The following C8orf34 variants were observed in gnomAD, a reference collection of about 807,000 sequenced individuals.
C8orf34 encodes the protein uncharacterized protein C8orf34.
In C8orf34, 65 loss-of-function variants were observed where a neutral mutation model predicts 68.3. That is an observed-to-expected ratio of 0.95 (90% CI 0.78 to 1.17). The LOEUF (loss-of-function observed/expected upper bound fraction) is 1.17. Ranked by LOEUF, C8orf34 falls within the 50% of genes most tolerant of loss-of-function variation. C8orf34 has a pLI of 0.00. For missense variants in C8orf34, 664 were observed against 655.4 expected (o/e 1.01, Z -0.14); for synonymous variants, 244 against 241.2 (o/e 1.01, Z -0.11).
At chr8:68,773,666 G>A (rs1823417638) in intron 10 of C8orf34, among the ~76,000 whole-genome samples, 1 of 152,110 alleles carries the variant, frequency 6.6e-6, no homozygotes, top group African/African-American at 2.4e-5. Flanking sequence ...GATTACAGGT[G>A]TGAGCCGCCA....
intron 7 of C8orf34, among the ~76,000 whole-genome samples, chr8:68,545,755 T>C (rs1354324738): frequency 1.3e-5 from 2 of 152,146 alleles, no homozygotes; most frequent in Non-Finnish European, 2.9e-5. Flanking sequence ...AAGGAAATGA[T>C]ACCAGAGGGA....
intron 11 of C8orf34, among the ~76,000 whole-genome samples, chr8:68,780,191 C>T (rs1035794523): frequency 1.1e-4 from 17 of 152,194 alleles, no homozygotes; most frequent in Admixed American, 5.9e-4. Flanking sequence ...TGCACTGCTA[C>T]CACTTTCTAC....
chr8:68,551,992 T>C (rs985270526), intron 7 of C8orf34, among the ~76,000 whole-genome samples: 2 of 152,170 alleles, frequency 1.3e-5, no homozygotes, highest in Admixed American at 6.5e-5. Context: ...AGATGAATTT[T>C]TTCCATTGAA....
chr8:68,601,262 C>T (rs1271636977), intron 7 of C8orf34, among the ~76,000 whole-genome samples: 1 of 152,064 alleles, frequency 6.6e-6, no homozygotes, highest in Non-Finnish European at 1.5e-5. Context: ...TGGGATTGCT[C>T]ATATTCTTGA....
At chr8:68,703,701 C>T (rs1431571652) in intron 8 of C8orf34, among the ~76,000 whole-genome samples, 12 of 152,078 alleles carry the variant, frequency 7.9e-5, no homozygotes. Context: ...CCTCATTAGG[C>T]TCCTCAAAAA....
At chr8:68,453,359 A>G (rs545232367) in intron 3 of C8orf34, among the ~76,000 whole-genome samples, 1 of 152,152 alleles carries the variant, frequency 6.6e-6, no homozygotes, top group East Asian at 1.9e-4. Context: ...GAATCTGTGG[A>G]TCACTTTGGA....
At chr8:68,474,725 C>T (rs16934643) in intron 4 of C8orf34, among the ~76,000 whole-genome samples, 91,058 of 152,044 alleles carry the variant, frequency 0.6, 27,973 homozygotes, top group East Asian at 0.88. Context: ...ATCTTCAACA[C>T]TGACTTTTAA....
intron 1 of C8orf34, among the ~76,000 whole-genome samples, chr8:68,389,219 A>G (rs529720267): frequency 1.6e-4 from 25 of 152,286 alleles, no homozygotes; most frequent in Non-Finnish European, 2.9e-4. Flanking sequence ...AAAGCACAGT[A>G]AGTGGGCAAT....
chr8:68,414,368 T>C (rs1809571733), intron 1 of C8orf34, among the ~76,000 whole-genome samples: 1 of 152,218 alleles, frequency 6.6e-6, no homozygotes, highest in Admixed American at 6.5e-5. Context: ...AAGTGAAAGA[T>C]GTATCAAGGG....
At chr8:68,446,988 G>A (rs1811151750) in intron 3 of C8orf34, 1 of 152,634 alleles carries the variant, frequency 6.6e-6, no homozygotes, top group Non-Finnish European at 1.5e-5. Context: ...ACAAAGGAAT[G>A]ACTGAGGTTG....
intron 10 of C8orf34, among the ~76,000 whole-genome samples, chr8:68,749,694 C>T (rs895427063): frequency 1.1e-4 from 16 of 152,086 alleles, no homozygotes; most frequent in African/African-American, 3.9e-4. Context: ...TGGAATAATA[C>T]TGTATATGTT....
At chr8:68,570,723 G>T (rs151254298) in intron 7 of C8orf34, among the ~76,000 whole-genome samples, 2 of 152,144 alleles carry the variant, frequency 1.3e-5, no homozygotes, top group Non-Finnish European at 2.9e-5. Flanking sequence ...TCATCTGGGA[G>T]CTTGCAAGCA....
intron 11 of C8orf34, among the ~76,000 whole-genome samples, chr8:68,786,584 G>C (rs937511117): frequency 4.6e-5 from 7 of 152,164 alleles, no homozygotes; most frequent in Admixed American, 3.3e-4. Flanking sequence ...CCTTGGAAGA[G>C]GAGTGTTAAT....
chr8:68,523,206 G>T (rs1020318166), intron 6 of C8orf34, among the ~76,000 whole-genome samples: 1 of 152,118 alleles, frequency 6.6e-6, no homozygotes, highest in Non-Finnish European at 1.5e-5. Flanking sequence ...GTCAATGAGG[G>T]TAATTTTTTT....
At chr8:68,455,974 G>C (rs1266004368) in intron 3 of C8orf34, among the ~76,000 whole-genome samples, 2 of 151,878 alleles carry the variant, frequency 1.3e-5, no homozygotes, top group Non-Finnish European at 2.9e-5. Context: ...AGCCGGGCGT[G>C]GTGGCTCACG....
intron 8 of C8orf34, among the ~76,000 whole-genome samples, chr8:68,668,052 A>G (rs1241277030): frequency 6.6e-6 from 1 of 152,198 alleles, no homozygotes; most frequent in Non-Finnish European, 1.5e-5. Context: ...TTGACAGCTC[A>G]GAAATTCTAG....
intron 7 of C8orf34, among the ~76,000 whole-genome samples, chr8:68,616,908 A>T (rs990149504): frequency 1.3e-5 from 2 of 152,076 alleles, no homozygotes; most frequent in Non-Finnish European, 2.9e-5. Flanking sequence ...TCCCATTATT[A>T]TTGTGTGGGA....
intron 11 of C8orf34, among the ~76,000 whole-genome samples, chr8:68,787,036 C>T (rs578042556): frequency 1.1e-4 from 16 of 152,144 alleles, no homozygotes; most frequent in African/African-American, 3.1e-4. Flanking sequence ...AGAGTAAAAT[C>T]GAAGATGTTC....
intron 1 of C8orf34, among the ~76,000 whole-genome samples, chr8:68,346,747 G>T (rs540361867): frequency 1.1e-4 from 16 of 152,044 alleles, no homozygotes; most frequent in African/African-American, 2.6e-4. Flanking sequence ...TGCAGTTAAG[G>T]TTCCTCCATG....
Sources: gnomAD v4.1 joint callset for allele counts (sites outside exome capture counted in the v4.1 genomes callset) on GRCh38, gnomAD v4.1.1 for gene constraint, MANE v1.5 for transcripts, NCBI Gene and HGNC (gene_info 2026-07-23, HGNC 2026-07-21) for gene names.